Variants in RBX1 observed in about 807,000 individuals in gnomAD.
RBX1 encodes ring-box 1, also known as E3 ubiquitin-protein ligase RBX1.
For synonymous variants in RBX1, 48 were observed against 47.9 expected (o/e 1.00, Z -0.01); for missense variants, 46 against 141.4 (o/e 0.33, Z 3.42).
In RBX1 at chr22:40,972,500, T is replaced by G; in HGVS notation, c.*12T>G. 2 of 1,597,032 alleles carry G rather than the reference T, an allele frequency of 1.3e-6. No homozygotes were observed. Among genetic ancestry groups the G allele is most frequent in the African/African-American group, 1.3e-5 (1 of 74,672 alleles). On this transcript the variant is annotated 3_prime_UTR_variant, in exon 5 of 5. Transcript: ENST00000216225. ...GGTATGGGCACTAGGAAAAGACTTC[T>G]TCCATCAAGCTTAATTGTTTTGTTA...
chr22:40,951,830 A>G (rs1021873031), intron 1 of RBX1, among the ~76,000 whole-genome samples: 3 of 151,614 alleles, frequency 2.0e-5, no homozygotes, highest in Non-Finnish European at 1.5e-5. Context: ...TGGAATGGGG[A>G]GTCGAAGCGA....
At chr22:40,953,461 A>G (rs2058316822) in intron 1 of RBX1, 94 bp from the exon 2 acceptor site, 1 of 835,952 alleles carries the variant, frequency 1.2e-6, no homozygotes, top group Non-Finnish European at 2.0e-6. Flanking sequence ...CCTGTGGCCA[A>G]AGAGATGATA....
chr22:40,965,970 C>A (rs1272365827), intron 3 of RBX1, among the ~76,000 whole-genome samples: 1 of 152,188 alleles, frequency 6.6e-6, no homozygotes, highest in African/African-American at 2.4e-5. Context: ...AGGAGAGATT[C>A]TCTGAGAGAG....
chr22:40,954,608 A>G (rs1436223707), intron 2 of RBX1, among the ~76,000 whole-genome samples: 1 of 152,194 alleles, frequency 6.6e-6, no homozygotes, highest in African/African-American at 2.4e-5. Context: ...TACTGAGGCC[A>G]GAAATGGAGG....
At chr22:40,952,983 C>CTTTTTTTTTTTTT (rs34618218) in intron 1 of RBX1, among the ~76,000 whole-genome samples, 7 of 86,874 alleles carry the variant, frequency 8.1e-5, no homozygotes, top group East Asian at 4.3e-4. Flanking sequence ...AGTTTGTGCC[C>CTTTTTTTTTTTTT]TTTTTTTTTT....
At chr22:40,960,593 A>T (rs1030894511) in intron 2 of RBX1, among the ~76,000 whole-genome samples, 2 of 152,182 alleles carry the variant, frequency 1.3e-5, no homozygotes, top group Admixed American at 1.3e-4. Context: ...TTTCACTTTA[A>T]TAATTGTGGC....
chr22:40,951,503 G>A, intron 1 of RBX1, 27 bp downstream of exon 1: 3 of 1,608,132 alleles, frequency 1.9e-6, no homozygotes, highest in Non-Finnish European at 2.5e-6. Flanking sequence ...GCCTTCCTCA[G>A]GGAAGCTAGA....
At chr22:40,961,492 C>T (rs1253988067) in intron 2 of RBX1, among the ~76,000 whole-genome samples, 1 of 152,008 alleles carries the variant, frequency 6.6e-6, no homozygotes, top group Non-Finnish European at 1.5e-5. Flanking sequence ...TGGCTCACTG[C>T]AAGCTCCGCC....
chr22:40,953,484 G>C (rs2058316897), intron 1 of RBX1, 71 bp from the exon 2 acceptor site: 2 of 1,023,122 alleles, frequency 2.0e-6, no homozygotes, highest in Admixed American at 1.7e-5. Context: ...TGCAGCTGCA[G>C]CCTGAGGTCC....
intron 4 of RBX1, 136 bp downstream of exon 4, chr22:40,968,020 A>G (rs1341796423): frequency 1.9e-6 from 1 of 515,078 alleles, no homozygotes; most frequent in Non-Finnish European, 3.6e-6. Context: ...GCTAGGACTT[A>G]TCTATATGGA....
chr22:40,957,602 C>A (rs1010818728), intron 2 of RBX1, among the ~76,000 whole-genome samples: 1 of 152,200 alleles, frequency 6.6e-6, no homozygotes, highest in Non-Finnish European at 1.5e-5. Context: ...TTTGCCACTG[C>A]ACTCCAGCCT....
chr22:40,953,727 T>G (rs2058317575), intron 2 of RBX1, 94 bp downstream of exon 2: 1 of 839,942 alleles, frequency 1.2e-6, no homozygotes, highest in African/African-American at 1.7e-5. Flanking sequence ...CACGAGGAGA[T>G]AGCAAGCCTA....
chr22:40,964,212 C>A (rs12170314), intron 3 of RBX1, 95 bp downstream of exon 3: 1 of 889,824 alleles, frequency 1.1e-6, no homozygotes, highest in Non-Finnish European at 1.8e-6. Context: ...AAAAAAATGA[C>A]TAGTCCACCT....
At chr22:40,967,066 A>C (rs1424472673) in intron 3 of RBX1, 1 of 152,164 alleles carries the variant, frequency 6.6e-6, no homozygotes. Context: ...TGATTATGAA[A>C]TAAGCCTTTT....
intron 3 of RBX1, 125 bp from the exon 4 acceptor site, chr22:40,967,674 C>T (rs750023013): frequency 1.4e-5 from 9 of 648,724 alleles, no homozygotes; most frequent in East Asian, 2.8e-5. Context: ...TTTTGCCTCT[C>T]GTTGTCTTCT....
At chr22:40,951,621 G>C in intron 1 of RBX1, 145 bp downstream of exon 1, 1 of 755,808 alleles carries the variant, frequency 1.3e-6, no homozygotes, top group Non-Finnish European at 2.1e-6. Context: ...GCCGGGGGGC[G>C]GGTCTTAGAG....
At chr22:40,963,042 A>G (rs1439050918) in intron 2 of RBX1, among the ~76,000 whole-genome samples, 2 of 146,726 alleles carry the variant, frequency 1.4e-5, no homozygotes, top group African/African-American at 2.5e-5. Context: ...AGGTTTCACC[A>G]TGTTGGGTGG....
intron 4 of RBX1, 122 bp downstream of exon 4, chr22:40,968,006 T>C (rs1386857013): frequency 1.1e-5 from 7 of 653,002 alleles, no homozygotes; most frequent in African/African-American, 1.8e-5. Flanking sequence ...TTTTGGTTAC[T>C]TAAGCTAGGA....
intron 4 of RBX1, among the ~76,000 whole-genome samples, chr22:40,968,555 C>A (rs1457895830): frequency 6.6e-6 from 1 of 152,182 alleles, no homozygotes; most frequent in Non-Finnish European, 1.5e-5. Context: ...GTTTATTTCA[C>A]AGTGATTAAT....
Sources: allele counts gnomAD v4.1 joint callset (sites outside exome capture counted in the v4.1 genomes callset), GRCh38; gene constraint gnomAD v4.1.1; transcripts MANE v1.5; gene names NCBI Gene and HGNC (gene_info 2026-07-23, HGNC 2026-07-21).